OXNAD1: variants seen among roughly 807,000 people sequenced by gnomAD.
The protein encoded by OXNAD1 is oxidoreductase NAD binding domain containing 1.
In OXNAD1, 34 loss-of-function variants were observed where a neutral mutation model predicts 32.9. That is an observed-to-expected ratio of 1.03 (90% CI 0.79 to 1.38). OXNAD1 has a LOEUF of 1.38. Among genes scored for constraint, OXNAD1 ranks in the 40% most tolerant of loss-of-function variants. OXNAD1 has a pLI of 0.00. For synonymous variants in OXNAD1, 134 were observed against 135.2 expected (o/e 0.99, Z 0.06); for missense variants, 407 against 379.4 (o/e 1.07, Z -0.60).
At chr3:16,315,198 C>G (rs1239984801) in intron 9 of OXNAD1, among the ~76,000 whole-genome samples, 1 of 152,184 alleles carries the variant, frequency 6.6e-6, no homozygotes, top group Non-Finnish European at 1.5e-5. Context: ...TCACTGCAAT[C>G]TCTGCCTCCC....
downstream of OXNAD1, among the ~76,000 whole-genome samples, chr3:16,340,142 T>C (rs1013627934): frequency 6.6e-6 from 1 of 152,250 alleles, no homozygotes; most frequent in African/African-American, 2.4e-5. Flanking sequence ...CTGTTTCTGT[T>C]CCATTGCCAC....
At position 16,280,973 on chromosome 3, in the gene OXNAD1, A is replaced by C. The variant is rs2065697545; in HGVS notation, c.184-5369A>C. 6.6e-6 allele frequency among the ~76,000 whole-genome samples: 1 copy of C among 152,226 alleles called. No individual in the cohort carries two copies. The highest frequency in any genetic ancestry group is 2.1e-4 in the South Asian group (1 of 4,834). On this transcript the variant is annotated intron_variant, in intron 4 of 8. Transcript: ENST00000285083. This position sits in a 1 kb window ranked among gnomAD's most constrained non-coding sequence, Gnocchi z 4.5. ...TGGATAGTTGAGGTTTCAGTTGTGA[A>C]TCTTTCGATCCATTAAGTATAAGAG...
In OXNAD1 at chr3:16,302,595, G is replaced by C. The variant is rs1209421871; in HGVS notation, c.676-45G>C. On this transcript the variant is annotated intron_variant, in intron 7 of 8. Coordinates refer to ENST00000285083, the MANE Select transcript of OXNAD1 (RefSeq NM_138381.5). The surrounding 1 kb of genome is among the most constrained non-coding windows in gnomAD (Gnocchi z 4.2). Reference sequence around the variant, plus strand: ...GTCAATGGTTGTGCACATCTGTTTTGATTTTTTAAAATTGTAGTGTGACCA... The same window carrying C: ...GTCAATGGTTGTGCACATCTGTTTTCATTTTTTAAAATTGTAGTGTGACCA... 1.4e-6 allele frequency: 2 copies of C among 1,383,092 alleles called. No individual in the cohort carries two copies. The highest frequency in any genetic ancestry group is 2.0e-6 in the Non-Finnish European group (2 of 985,384). The allele number at this position is 1,383,092 out of a possible 1,614,324, so 85.7% of individuals were successfully genotyped here.
In OXNAD1 at chr3:16,271,839, T is replaced by A; in HGVS notation, c.183+117T>A. On this transcript the variant is annotated intron_variant, in intron 4 of 8. Coordinates refer to ENST00000285083, the MANE Select transcript of OXNAD1 (RefSeq NM_138381.5). This position sits in a 1 kb window ranked among gnomAD's most constrained non-coding sequence, Gnocchi z 4.6. ...GTCCTTTTGAAGGAGAGTTGGGAAG[T>A]TTGTTATTTTTCTATTTAGAAATTT... The A allele has an allele frequency of 2.3e-6, 2 of 870,398 alleles. No individual in the cohort carries two copies. The highest frequency in any genetic ancestry group is 3.5e-6 in the Non-Finnish European group (2 of 571,658). The allele number at this position is 870,398 out of a possible 1,614,324, so 53.9% of individuals were successfully genotyped here. A position where few individuals can be genotyped will look rare whatever the true frequency, so the allele number is the denominator to read the frequency against.
rs775361118 is a variant in OXNAD1 at position 16,288,807 on chromosome 3, G to A, written c.290+2359G>A. ...ACCAGAATTCCTCCTCCCTTGGGGT[G>A]GAAAGCTTGGCACTCACTCTTGGGT... On this transcript the variant is annotated intron_variant, in intron 5 of 8. Coordinates refer to ENST00000285083, the MANE Select transcript of OXNAD1 (RefSeq NM_138381.5). The surrounding 1 kb of genome is among the most constrained non-coding windows in gnomAD (Gnocchi z 5.1). Among the ~76,000 whole-genome samples, 2 of 152,202 alleles carry A rather than the reference G, an allele frequency of 1.3e-5. No homozygotes were observed. The highest frequency in any genetic ancestry group is 2.9e-5 in the Non-Finnish European group (2 of 68,028).
rs1047803421 is a variant in OXNAD1 at position 16,298,256 on chromosome 3, C to T, written c.432+3259C>T. On this transcript the variant is annotated intron_variant, in intron 6 of 8. Coordinates refer to ENST00000285083, the MANE Select transcript of OXNAD1 (RefSeq NM_138381.5). This position sits in a 1 kb window ranked among gnomAD's most constrained non-coding sequence, Gnocchi z 5.1. ...AAATATGCTGCTGGGGTGAGAGCAA[C>T]GAGGTATCTGCATGCCCCTTGCTCA... Among the ~76,000 whole-genome samples, 13 of 152,080 alleles carry T rather than the reference C, an allele frequency of 8.5e-5. No individual in the cohort carries two copies. Among genetic ancestry groups the T allele is most frequent in the African/African-American group, 1.2e-4 (5 of 41,408 alleles).
At chr3:16,315,259 G>A (rs953009348) in intron 9 of OXNAD1, among the ~76,000 whole-genome samples, 2 of 152,122 alleles carry the variant, frequency 1.3e-5, no homozygotes, top group African/African-American at 4.8e-5. Context: ...GAGATTACAA[G>A]CACCCGCCAC....
At chr3:16,319,914 G>A (rs548292484) in intron 9 of OXNAD1, among the ~76,000 whole-genome samples, 72 of 152,264 alleles carry the variant, frequency 4.7e-4, no homozygotes, top group African/African-American at 1.5e-3. Context: ...GAGTAGGACC[G>A]GGGGAGTCTC....
At chr3:16,313,490 T>G (rs1274873837) in intron 9 of OXNAD1, 1 of 152,164 alleles carries the variant, frequency 6.6e-6, no homozygotes, top group East Asian at 1.9e-4. Context: ...GAGGATATAC[T>G]TCCATGGATA....
In OXNAD1 at chr3:16,302,518, A is replaced by C; in HGVS notation, c.676-122A>C. Reference sequence around the variant, plus strand: ...GCTAGGCTGCAAACAATATCTCTCTAAGTAGAGAGCGAGAGCGGCAGACGT... The same window carrying C: ...GCTAGGCTGCAAACAATATCTCTCTCAGTAGAGAGCGAGAGCGGCAGACGT... On this transcript the variant is annotated intron_variant, in intron 7 of 8. Coordinates refer to ENST00000285083, the MANE Select transcript of OXNAD1 (RefSeq NM_138381.5). This position sits in a 1 kb window ranked among gnomAD's most constrained non-coding sequence, Gnocchi z 4.2. 1.5e-6 allele frequency: 1 copy of C among 675,214 alleles called. No homozygotes were observed. Among genetic ancestry groups the C allele is most frequent in the Non-Finnish European group, 2.6e-6 (1 of 381,850 alleles). The allele number at this position is 675,214 out of a possible 1,614,324, so 41.8% of individuals were successfully genotyped here.
intron 6 of OXNAD1, among the ~76,000 whole-genome samples, chr3:16,300,390 G>C (rs915762087): frequency 1.3e-5 from 2 of 152,228 alleles, no homozygotes; most frequent in Non-Finnish European, 2.9e-5. Context: ...TACAAATGCA[G>C]ATGATAAAGA....
intron 9 of OXNAD1, among the ~76,000 whole-genome samples, chr3:16,319,705 A>C (rs2068830665): frequency 6.6e-6 from 1 of 152,214 alleles, no homozygotes; most frequent in African/African-American, 2.4e-5. Context: ...TGCTGATATA[A>C]TACAAAACGA....
rs2068536836 is a variant in OXNAD1, at chr3:16,317,505, A to G, written c.*30+13913A>G. Among the ~76,000 whole-genome samples, 1 of 152,172 alleles carries G rather than the reference A, an allele frequency of 6.6e-6. No homozygotes were observed. The highest frequency in any genetic ancestry group is 2.4e-5 in the African/African-American group (1 of 41,440). ...AGCAGTATTTCTTTTGACTGGCTCT[A>G]TACCAAAGGCCCACATAGGAAAGGG... On this transcript the variant is annotated intron_variant, in intron 9 of 9. Coordinates refer to the OXNAD1 transcript ENST00000435829. The surrounding 1 kb of genome is among the most constrained non-coding windows in gnomAD (Gnocchi z 4.3).
rs1156427077 is a variant in OXNAD1, at chr3:16,320,225, TGAA to T, written c.*30+16638_*30+16640del. On this transcript the variant is annotated intron_variant, in intron 9 of 9. Coordinates refer to the OXNAD1 transcript ENST00000435829. This position sits in a 1 kb window ranked among gnomAD's most constrained non-coding sequence, Gnocchi z 4.5. ...AGTTGTAGAAATCACCTACTCCCTT[TGAA>T]GAAGTTTAATATTTGCCTTGAAAAT... Among the ~76,000 whole-genome samples the T allele has an allele frequency of 6.6e-6, 1 of 152,212 alleles. No individual in the cohort carries two copies. The highest frequency in any genetic ancestry group is 1.5e-5 in the Non-Finnish European group (1 of 68,042).
rs1285340965 is a variant in OXNAD1, at chr3:16,322,762, CTGTT to C, written c.*31-14348_*31-14345del. ...TCTGAGAAGGCCAGTCTCTGTGCGA[CTGTT>C]TCTAGGGTAGTTCAGAGTCCGGAGA... On this transcript the variant is annotated intron_variant, in intron 9 of 9. Coordinates refer to the OXNAD1 transcript ENST00000435829. This position sits in a 1 kb window ranked among gnomAD's most constrained non-coding sequence, Gnocchi z 6.2. Among the ~76,000 whole-genome samples the C allele has an allele frequency of 6.6e-6, 1 of 152,186 alleles. No individual in the cohort carries two copies. Among genetic ancestry groups the C allele is most frequent in the Non-Finnish European group, 1.5e-5 (1 of 68,034 alleles).
In OXNAD1 at chr3:16,301,808, T is replaced by A; in HGVS notation, c.615T>A (p.Tyr205Ter). ...LREQANKRNG[Y>*]EIGTIKLFYS... is the part of the protein sequence containing the mutation. ...AGCAGGCAAACAAAAGAAATGGATA[T>A]GAGATAGGAACAATAAAACTATTCT... is the stretch of plus-strand genomic sequence containing the variant. The change falls in exon 7 of 9, where the codon TAT (tyrosine) becomes TAA (stop). Residue 205 changes from tyrosine (Y) to a stop codon, truncating the protein, a stop_gained. Coordinates refer to ENST00000285083, the MANE Select transcript of OXNAD1 (RefSeq NM_138381.5). LOFTEE classifies it high-confidence loss of function. This position sits in a 1 kb window ranked among gnomAD's most constrained non-coding sequence, Gnocchi z 4.1. 1 of 1,613,828 alleles carries A rather than the reference T, an allele frequency of 6.2e-7. No homozygotes were observed.
chr3:16,284,909 T>C lies in OXNAD1; in HGVS notation c.184-1433T>C, dbSNP rs1421637710. Among the ~76,000 whole-genome samples, 1 of 152,216 alleles carries C rather than the reference T, an allele frequency of 6.6e-6. No homozygotes were observed. The highest frequency in any genetic ancestry group is 1.5e-5 in the Non-Finnish European group (1 of 68,034). The stretch of plus-strand genomic sequence containing the variant: ...GAATTGCTTTGAATTGCAAATGGCA[T>C]TAGATGTAATCTTTGATGAAACAGG... On this transcript the variant is annotated intron_variant, in intron 4 of 8. Coordinates refer to ENST00000285083, the MANE Select transcript of OXNAD1 (RefSeq NM_138381.5). The surrounding 1 kb of genome is among the most constrained non-coding windows in gnomAD (Gnocchi z 4.1).
chr3:16,293,608 T>G (rs2066570489), intron 5 of OXNAD1, among the ~76,000 whole-genome samples: 1 of 152,192 alleles, frequency 6.6e-6, no homozygotes, highest in African/African-American at 2.4e-5. Context: ...TTTCAGCCTT[T>G]CACCATTAAG....
At position 16,301,085 on chromosome 3, in the gene OXNAD1, C is replaced by T. The variant is rs1166460028; in HGVS notation, c.433-541C>T. Among the ~76,000 whole-genome samples the T allele has an allele frequency of 6.6e-6, 1 of 152,176 alleles. No individual in the cohort carries two copies. Among genetic ancestry groups the T allele is most frequent in the African/African-American group, 2.4e-5 (1 of 41,432 alleles). ...TCTTGTTTCTCTAGGGAGACAGGAA[C>T]AGCACTGAACAGTACTACAGGGCTG... On this transcript the variant is annotated intron_variant, in intron 6 of 8. Transcript: ENST00000285083. The surrounding 1 kb of genome is among the most constrained non-coding windows in gnomAD (Gnocchi z 4.1).
Sources: allele counts gnomAD v4.1 joint callset (sites outside exome capture counted in the v4.1 genomes callset), GRCh38; gene constraint gnomAD v4.1.1; non-coding constraint Gnocchi (gnomAD v3.1); transcripts MANE v1.5; gene names NCBI Gene and HGNC (gene_info 2026-07-23, HGNC 2026-07-21).